Variants in PIAS1 observed in about 807,000 individuals in gnomAD.
PIAS1 encodes the protein protein inhibitor of activated STAT 1, also known as E3 SUMO-protein ligase PIAS1.
In PIAS1, 6 loss-of-function variants were observed where a neutral mutation model predicts 71.3. That is an observed-to-expected ratio of 0.08 (90% CI 0.05 to 0.17). The LOEUF is 0.17. Among genes scored for constraint, PIAS1 ranks in the 10% least tolerant of loss-of-function variants. The probability of loss-of-function intolerance (pLI) is 1.00; values close to 1 mark genes in which losing one functional copy is unlikely to be tolerated. For synonymous variants in PIAS1, 303 were observed against 292.9 expected, an observed-to-expected ratio of 1.03 and a Z score of -0.35; for missense variants, 555 against 793.6, an observed-to-expected ratio of 0.70 and a Z score of 3.61.
chr15:68,067,315 T>A (rs2092040344), intron 1 of PIAS1, among the ~76,000 whole-genome samples: 1 of 152,202 alleles, frequency 6.6e-6, no homozygotes, highest in African/African-American at 2.4e-5. Context: ...TATGCTTGCC[T>A]TTCTTTAGTA....
intron 8 of PIAS1, among the ~76,000 whole-genome samples, chr15:68,166,437 A>T (rs945453496): frequency 6.6e-6 from 1 of 151,756 alleles, no homozygotes; most frequent in African/African-American, 2.4e-5. Context: ...TTTTTTAAAG[A>T]AAAAGGTAAA....
rs555837205 is a variant in PIAS1, at chr15:68,170,447, G to A, written c.1009-3285G>A. 3.9e-5 allele frequency among the ~76,000 whole-genome samples: 6 copies of A among 152,208 alleles called. No individual in the cohort carries two copies. In the South Asian group the frequency reaches 1.2e-3, roughly 32 times the overall value. Reference sequence around the variant, plus strand: ...GTAAAAAGTATAAAAGATGAAAAATGGTACACCTGTATGGGGCACTTACTA... The same window carrying A: ...GTAAAAAGTATAAAAGATGAAAAATAGTACACCTGTATGGGGCACTTACTA... On this transcript the variant is annotated intron_variant, in intron 8 of 13. Transcript: ENST00000249636.
intron 2 of PIAS1, among the ~76,000 whole-genome samples, chr15:68,088,700 T>C (rs919329850): frequency 1.3e-5 from 2 of 152,156 alleles, no homozygotes; most frequent in Non-Finnish European, 2.9e-5. Flanking sequence ...GTGAAAAATA[T>C]TTATTGAAAA....
In PIAS1 at chr15:68,146,839, G is replaced by A. The variant is rs182840868; in HGVS notation, c.828+139G>A. 2.2e-3 allele frequency: 1,542 copies of A among 711,454 alleles called. 31 individuals are homozygous for A. The highest frequency in any genetic ancestry group is 2.2e-4 in the Non-Finnish European group (91 of 419,638). The allele number at this position is 711,454 out of a possible 1,614,324, so 44.1% of individuals were successfully genotyped here. A position where few individuals can be genotyped will look rare whatever the true frequency, so the allele number is the denominator to read the frequency against. On this transcript the variant is annotated intron_variant, in intron 6 of 13. Transcript: ENST00000249636. ...TTGTCTCACAATGAATTTTCAACATGTTTCCATTTGAAAAATGGGATTATG... is the reference window on the plus strand; with the variant it reads ...TTGTCTCACAATGAATTTTCAACATATTTCCATTTGAAAAATGGGATTATG...
chr15:68,185,037 AGAT>A lies in PIAS1; in HGVS notation c.1662+1377_1662+1379del, dbSNP rs1212166013. 1 of 153,058 alleles carries A rather than the reference AGAT, an allele frequency of 6.5e-6. No individual in the cohort carries two copies. The highest frequency in any genetic ancestry group is 2.4e-5 in the African/African-American group (1 of 41,468). 9.5% of individuals were successfully genotyped at this position (153,058 alleles called of 1,614,324 possible). ...TGTTGAGAGAGTAACATACTTTTCA[AGAT>A]GATGATTTTTGTTGATAATGCTCCC... On this transcript the variant is annotated intron_variant, in intron 13 of 13. Transcript: ENST00000249636. This position sits in a 1 kb window ranked among gnomAD's most constrained non-coding sequence, Gnocchi z 4.4.
At chr15:68,131,321 A>G (rs763660817) in intron 2 of PIAS1, among the ~76,000 whole-genome samples, 4 of 152,188 alleles carry the variant, frequency 2.6e-5, no homozygotes, top group Admixed American at 6.5e-5. Flanking sequence ...TTCGACTACC[A>G]TGTGAAATGC....
chr15:68,175,859 A>C, intron 10 of PIAS1, 92 bp downstream of exon 10: 1 of 845,570 alleles, frequency 1.2e-6, no homozygotes, highest in Non-Finnish European at 1.7e-6. Flanking sequence ...AAAATCACTG[A>C]GCAGTTTGTG....
At chr15:68,060,400 G>T (rs747058629) in intron 1 of PIAS1, among the ~76,000 whole-genome samples, 7 of 152,064 alleles carry the variant, frequency 4.6e-5, no homozygotes, top group Non-Finnish European at 8.8e-5. Context: ...AGATCACGAG[G>T]TCAGGAGTTC....
At chr15:68,089,264 T>C (rs2092313347) in intron 2 of PIAS1, among the ~76,000 whole-genome samples, 1 of 152,214 alleles carries the variant, frequency 6.6e-6, no homozygotes, top group Non-Finnish European at 1.5e-5. Context: ...TAAAATAATT[T>C]TAAGGCCTTT....
chr15:68,171,088 A>G lies in PIAS1; in HGVS notation c.1009-2644A>G, dbSNP rs1478332372. ...ATCCTTATTCTATAAGCTTTTTTCT[A>G]TTTTTAACATTTTTTACTTTTATTT... On this transcript the variant is annotated intron_variant, in intron 8 of 13. Transcript: ENST00000249636. This position sits in a 1 kb window ranked among gnomAD's most constrained non-coding sequence, Gnocchi z 4.4. Among the ~76,000 whole-genome samples the G allele has an allele frequency of 6.6e-6, 1 of 151,932 alleles. No homozygotes were observed. Among genetic ancestry groups the G allele is most frequent in the Non-Finnish European group, 1.5e-5 (1 of 67,976 alleles).
intron 2 of PIAS1, among the ~76,000 whole-genome samples, chr15:68,129,087 A>G (rs1427644497): frequency 6.6e-6 from 1 of 152,138 alleles, no homozygotes; most frequent in Non-Finnish European, 1.5e-5. Flanking sequence ...TTTTAGAGAC[A>G]GGGTCTCTCT....
intron 1 of PIAS1, among the ~76,000 whole-genome samples, chr15:68,078,186 AATG>A (rs1449390009): frequency 9.2e-5 from 14 of 152,208 alleles, no homozygotes; most frequent in Non-Finnish European, 7.3e-5. Flanking sequence ...TTGAAAAGTG[AATG>A]ATGATTGTTC....
intron 7 of PIAS1, among the ~76,000 whole-genome samples, chr15:68,155,379 T>A (rs1052974845): frequency 5.6e-5 from 8 of 142,476 alleles, no homozygotes; most frequent in Non-Finnish European, 3.0e-5. Context: ...TTAATTTGGA[T>A]CCCACCAGTA....
At chr15:68,088,419 C>G (rs1052048499) in intron 2 of PIAS1, among the ~76,000 whole-genome samples, 2 of 151,620 alleles carry the variant, frequency 1.3e-5, no homozygotes, top group African/African-American at 4.8e-5. Flanking sequence ...ATAAATGTCA[C>G]AAATAGCAAT....
intron 6 of PIAS1, 121 bp from the exon 7 acceptor site, chr15:68,153,469 G>T: frequency 1.7e-6 from 1 of 589,400 alleles, no homozygotes. Flanking sequence ...ACCTAAGACT[G>T]CTTGACACAC....
chr15:68,137,512 C>G (rs74877124), intron 2 of PIAS1, among the ~76,000 whole-genome samples: 1,734 of 151,864 alleles, frequency 0.011, 19 homozygotes, highest in Non-Finnish European at 0.019. Context: ...TTTCTGTGAT[C>G]CAGTGTAATG....
chr15:68,164,435 A>T (rs1212684181), intron 7 of PIAS1, among the ~76,000 whole-genome samples: 2 of 152,212 alleles, frequency 1.3e-5, no homozygotes, highest in Admixed American at 6.5e-5. Flanking sequence ...GTCTACCATT[A>T]GTTGAATATG....
intron 1 of PIAS1, among the ~76,000 whole-genome samples, chr15:68,063,101 G>T (rs571353311): frequency 1.3e-5 from 2 of 152,086 alleles, no homozygotes; most frequent in Non-Finnish European, 2.9e-5. Flanking sequence ...TTAACAATAG[G>T]AATGAAAACA....
chr15:68,087,277 CATG>C (rs2140982975), intron 2 of PIAS1, among the ~76,000 whole-genome samples: 1 of 152,160 alleles, frequency 6.6e-6, no homozygotes, highest in Non-Finnish European at 1.5e-5. Flanking sequence ...CATGCACACT[CATG>C]ATTACGGTTA....
Sources: gnomAD v4.1 joint callset for allele counts (sites outside exome capture counted in the v4.1 genomes callset) on GRCh38, gnomAD v4.1.1 for gene constraint, Gnocchi (gnomAD v3.1) non-coding constraint, MANE v1.5 for transcripts, NCBI Gene and HGNC (gene_info 2026-07-23, HGNC 2026-07-21) for gene names.